ZNF215: variants seen among roughly 807,000 people sequenced by gnomAD.
The protein encoded by ZNF215 is BWSCR2-associated zinc finger protein 2.
Under a neutral mutation model 27.2 loss-of-function variants are expected in ZNF215, and 24 were observed. That is an observed-to-expected ratio of 0.88 (90% CI 0.64 to 1.24). The LOEUF (loss-of-function observed/expected upper bound fraction) is 1.24. ZNF215 is among the 50% of genes most tolerant of loss of function. The pLI is 0.00. For missense variants in ZNF215, 675 were observed against 605.7 expected, an observed-to-expected ratio of 1.11 and a Z score of -1.20; for synonymous variants, 210 against 204.0, an observed-to-expected ratio of 1.03 and a Z score of -0.25.
downstream of ZNF215, among the ~76,000 whole-genome samples, chr11:6,989,097 A>G (rs953149033): frequency 7.2e-6 from 1 of 138,438 alleles, no homozygotes; most frequent in Non-Finnish European, 1.5e-5. Flanking sequence ...CAGAGGTTGC[A>G]GTGAGCCCAG....
chr11:6,941,658 A>G lies in ZNF215; in HGVS notation c.483+5A>G, dbSNP rs1405684540. The G allele has an allele frequency of 1.1e-5, 18 of 1,613,826 alleles. No homozygotes were observed. The highest frequency in any genetic ancestry group is 1.4e-5 in the Non-Finnish European group (17 of 1,179,780). On this transcript the variant is annotated splice_donor_5th_base_variant and intron_variant, in intron 4 of 6. Transcript: ENST00000278319. ...TCACGAACAGGCAAACCACAGGTGA[A>G]TTAGGATTCTAGTCTTTACTGAACA...
downstream of ZNF215, among the ~76,000 whole-genome samples, chr11:6,990,649 A>G (rs935308069): frequency 1.3e-5 from 2 of 152,234 alleles, no homozygotes; most frequent in South Asian, 4.1e-4. Context: ...ATGGAATACT[A>G]TCTTTCAAAA....
chr11:6,978,733 A>G lies in ZNF215; in HGVS notation c.806-5396A>G, dbSNP rs1298719462. Among the ~76,000 whole-genome samples, 3 of 147,170 alleles carry G rather than the reference A, an allele frequency of 2.0e-5. No individual in the cohort carries two copies. The South Asian group carries it at 6.8e-4, about 34-fold the overall frequency. ...CAGGAGTTCAAGACTAGCCTGGGCA[A>G]CATAGCAAGGCTCCATCTCTACCAA... On this transcript the variant is annotated intron_variant, in intron 5 of 5. Coordinates refer to the ZNF215 transcript ENST00000529903.
chr11:6,949,550 A>G (rs1849965783), intron 6 of ZNF215, among the ~76,000 whole-genome samples: 1 of 151,668 alleles, frequency 6.6e-6, no homozygotes, highest in African/African-American at 2.4e-5. Flanking sequence ...ATGTCTGTTC[A>G]TGTCCTTCGC....
At chr11:6,992,082 G>A (rs560221449), downstream of ZNF215, among the ~76,000 whole-genome samples, 4 of 152,304 alleles carry the variant, frequency 2.6e-5, no homozygotes, top group East Asian at 3.9e-4. Flanking sequence ...GGATCCCTGA[G>A]CAACTCAGGA....
intron 5 of ZNF215, among the ~76,000 whole-genome samples, chr11:6,967,316 G>A (rs758442535): frequency 6.6e-6 from 1 of 151,664 alleles, no homozygotes; most frequent in Non-Finnish European, 1.5e-5. Flanking sequence ...AATCCTTTGG[G>A]TACCCAGTAA....
At chr11:6,954,142 C>A (rs1023811442) in intron 6 of ZNF215, among the ~76,000 whole-genome samples, 2 of 152,156 alleles carry the variant, frequency 1.3e-5, no homozygotes, top group Admixed American at 6.5e-5. Context: ...CAGTCTGCCC[C>A]TACTGGGGAG....
downstream of ZNF215, among the ~76,000 whole-genome samples, chr11:6,987,824 A>G (rs990496890): frequency 6.6e-6 from 1 of 152,126 alleles, no homozygotes; most frequent in Non-Finnish European, 1.5e-5. Flanking sequence ...ATTGCACCCC[A>G]CTAACCCCAC....
chr11:6,963,064 T>C (rs1049639937), intron 5 of ZNF215, among the ~76,000 whole-genome samples: 2 of 152,082 alleles, frequency 1.3e-5, no homozygotes, highest in Non-Finnish European at 2.9e-5. Flanking sequence ...TAGTGCCCTT[T>C]ATTTCTAGTC....
At chr11:6,974,077 T>G (rs1425906695) in intron 5 of ZNF215, among the ~76,000 whole-genome samples, 3 of 152,118 alleles carry the variant, frequency 2.0e-5, no homozygotes, top group African/African-American at 4.8e-5. Flanking sequence ...TTGTATAAGG[T>G]GTAAGGAAGG....
chr11:6,946,258 A>C (rs1005532805), intron 6 of ZNF215, among the ~76,000 whole-genome samples: 1 of 152,120 alleles, frequency 6.6e-6, no homozygotes, highest in Non-Finnish European at 1.5e-5. Context: ...TACTGCAACC[A>C]AGGAGATCAG....
chr11:6,971,948 A>G (rs908062826), intron 5 of ZNF215, among the ~76,000 whole-genome samples: 1 of 152,146 alleles, frequency 6.6e-6, no homozygotes, highest in African/African-American at 2.4e-5. Context: ...ATTTTAAATT[A>G]AAGTCATTTT....
chr11:6,987,693 C>T (rs1851074359), downstream of ZNF215, among the ~76,000 whole-genome samples: 2 of 152,148 alleles, frequency 1.3e-5, no homozygotes. Flanking sequence ...TCTGAAAATG[C>T]AAAGATGCAG....
downstream of ZNF215, among the ~76,000 whole-genome samples, chr11:6,986,846 CAA>C (rs1851061871): frequency 1.2e-5 from 1 of 85,244 alleles, no homozygotes; most frequent in African/African-American, 3.2e-5. Context: ...AAGTCAAAAA[CAA>C]AAACAAAAAC....
At chr11:6,987,675 G>A (rs146049920), downstream of ZNF215, among the ~76,000 whole-genome samples, 160 of 152,318 alleles carry the variant, frequency 1.1e-3, no homozygotes, top group Admixed American at 2.7e-3. Flanking sequence ...ACTAGTCACA[G>A]TCAAGTTTCT....
intron 2 of ZNF215, among the ~76,000 whole-genome samples, chr11:6,929,638 C>T (rs1438764036): frequency 1.3e-5 from 2 of 152,296 alleles, no homozygotes; most frequent in Non-Finnish European, 2.9e-5. Flanking sequence ...GCAGGAAGAT[C>T]ACAGAGGCAA....
intron 5 of ZNF215, among the ~76,000 whole-genome samples, chr11:6,973,474 T>A (rs561152219): frequency 2.2e-4 from 33 of 152,346 alleles, no homozygotes; most frequent in African/African-American, 7.7e-4. Flanking sequence ...ATTGCCACAC[T>A]GTCTTCCACA....
downstream of ZNF215, among the ~76,000 whole-genome samples, chr11:6,993,117 CAT>C (rs200596473): frequency 1.3e-3 from 203 of 152,302 alleles, 2 homozygotes; most frequent in African/African-American, 4.5e-3. Context: ...CCTACCCCCA[CAT>C]AGACGTAATA....
downstream of ZNF215, chr11:6,988,891 G>C (rs912105330): frequency 6.6e-6 from 1 of 152,204 alleles, no homozygotes; most frequent in African/African-American, 2.4e-5. Flanking sequence ...GGGTGTGGTG[G>C]CTCATGCCTG....
Sources: gnomAD v4.1 joint callset for allele counts (sites outside exome capture counted in the v4.1 genomes callset) on GRCh38, gnomAD v4.1.1 for gene constraint, MANE v1.5 for transcripts, NCBI Gene and HGNC (gene_info 2026-07-23, HGNC 2026-07-21) for gene names.